IL1RAPL1: variants seen among roughly 807,000 people sequenced by gnomAD.
The protein encoded by IL1RAPL1 is interleukin 1 receptor accessory protein like 1.
A neutral mutation model predicts 48.4 loss-of-function variants in IL1RAPL1; 3 were observed. The observed-to-expected ratio is 0.06, with a 90% CI of 0.03 to 0.16. IL1RAPL1 has a LOEUF of 0.16. IL1RAPL1 is among the 10% of genes least tolerant of loss of function. IL1RAPL1 has a pLI of 1.00. For synonymous variants in IL1RAPL1, 185 were observed against 187.7 expected (o/e 0.99, Z 0.12); for missense variants, 349 against 530.6 (o/e 0.66, Z 3.36).
chrX:29,604,653 A>G (rs1923830199), intron 5 of IL1RAPL1, among the ~76,000 whole-genome samples: 1 of 111,435 alleles, frequency 9.0e-6, no homozygotes, highest in Admixed American at 9.6e-5. Context: ...TTAGTGGCAT[A>G]TTAGTAAGAG....
chrX:29,184,831 C>A (rs1282009961), intron 2 of IL1RAPL1, among the ~76,000 whole-genome samples: 1 of 112,171 alleles, frequency 8.9e-6, no homozygotes, highest in Admixed American at 9.5e-5. Context: ...AGACTGTGTT[C>A]CTATTCTTTT....
chrX:29,476,872 C>CTT lies in IL1RAPL1; in HGVS notation c.703+77582_703+77583dup, dbSNP rs1198120274. Among the ~76,000 whole-genome samples the CTT allele has an allele frequency of 5.6e-4, 30 of 53,896 alleles. 5 individuals are homozygous for CTT. Among genetic ancestry groups the CTT allele is most frequent in the African/African-American group, 1.6e-3 (12 of 7,326 alleles). The allele number at this position is 53,896 out of a possible 115,157, so 46.8% of individuals were successfully genotyped here. On this transcript the variant is annotated intron_variant, in intron 5 of 10. Transcript: ENST00000378993. ...GACTCATTTACTTTTTACCCATATT[C>CTT]TTTTTTTTTTTTTTTTTTTGAGACG...
At chrX:29,430,147 G>A (rs773344010) in intron 5 of IL1RAPL1, among the ~76,000 whole-genome samples, 3 of 108,824 alleles carry the variant, frequency 2.8e-5, no homozygotes, top group African/African-American at 6.7e-5. Flanking sequence ...CTCCCCCAAC[G>A]TGTAGTCATT....
chrX:28,783,040 C>T (rs755661769), intron 1 of IL1RAPL1, among the ~76,000 whole-genome samples: 12 of 111,378 alleles, frequency 1.1e-4, no homozygotes, highest in African/African-American at 3.9e-4. Context: ...AGCATATAGT[C>T]AGGACATCTT....
At chrX:28,944,800 C>T (rs1924253117) in intron 2 of IL1RAPL1, among the ~76,000 whole-genome samples, 1 of 108,753 alleles carries the variant, frequency 9.2e-6, no homozygotes, top group South Asian at 3.8e-4. Context: ...GAAAAAAGAT[C>T]ATTTTAAAAT....
intron 6 of IL1RAPL1, among the ~76,000 whole-genome samples, chrX:29,765,046 A>T (rs1032950632): frequency 8.9e-5 from 10 of 112,461 alleles, no homozygotes; most frequent in African/African-American, 3.2e-4. Flanking sequence ...AAGTGAAGGA[A>T]ATCATCCTTT....
At chrX:29,898,688 T>TAAGTA (rs1932436473) in intron 6 of IL1RAPL1, among the ~76,000 whole-genome samples, 1 of 112,416 alleles carries the variant, frequency 8.9e-6, no homozygotes, top group Non-Finnish European at 1.9e-5. Flanking sequence ...AATGATTCCG[T>TAAGTA]AAGTATTTTA....
chrX:29,179,939 A>G (rs373645921), intron 2 of IL1RAPL1, among the ~76,000 whole-genome samples: 101 of 111,206 alleles, frequency 9.1e-4, no homozygotes, highest in African/African-American at 3.1e-3. Context: ...TGCATTTCTA[A>G]GTTTTCCAGG....
At chrX:29,668,173 T>C (rs1019575489) in intron 5 of IL1RAPL1, among the ~76,000 whole-genome samples, 5 of 112,260 alleles carry the variant, frequency 4.5e-5, no homozygotes, top group African/African-American at 1.6e-4. Flanking sequence ...TCACAAGGAC[T>C]GACCAATCCT....
intron 5 of IL1RAPL1, among the ~76,000 whole-genome samples, chrX:29,476,106 C>T (rs1411381035): frequency 1.3e-4 from 15 of 111,199 alleles, no homozygotes; most frequent in Non-Finnish European, 3.8e-5. Flanking sequence ...AAGCAGACAT[C>T]GAGGTCATTA....
Position 29,862,863 on chromosome X carries a change from C to T in IL1RAPL1, c.779-54601C>T, listed in dbSNP as rs145845641. Among the ~76,000 whole-genome samples the T allele has an allele frequency of 2.9e-4, 31 of 107,414 alleles. 1 individual carries two copies. The East Asian group carries it at 6.7e-3, about 23-fold the overall frequency. 93.3% of individuals were successfully genotyped at this position (107,414 alleles called of 115,157 possible). The stretch of plus-strand genomic sequence containing the variant: ...CTCATTGTGTTCTGATAGACTCTCC[C>T]GAAAACTGATTCTAGAAGCTTAGTG... On this transcript the variant is annotated intron_variant, in intron 6 of 10. Coordinates refer to ENST00000378993, the MANE Select transcript of IL1RAPL1 (RefSeq NM_014271.4).
At chrX:29,802,702 G>A (rs1320585673) in intron 6 of IL1RAPL1, among the ~76,000 whole-genome samples, 1 of 95,039 alleles carries the variant, frequency 1.1e-5, no homozygotes, top group African/African-American at 3.7e-5. Context: ...TAAATTTTGT[G>A]TTTGGATGTA....
chrX:29,463,992 A>G lies in IL1RAPL1; in HGVS notation c.703+64684A>G, dbSNP rs190345155. Among the ~76,000 whole-genome samples the G allele has an allele frequency of 3.1e-4, 35 of 111,721 alleles. No individual in the cohort carries two copies. The East Asian group carries it at 7.0e-3, about 22-fold the overall frequency. On this transcript the variant is annotated intron_variant, in intron 5 of 10. Coordinates refer to ENST00000378993, the MANE Select transcript of IL1RAPL1 (RefSeq NM_014271.4). The stretch of plus-strand genomic sequence containing the variant: ...AGCCCAGTCCAGTCTTTATGTAACT[A>G]CAAACCTACCTGATATTTAACTCCA...
intron 6 of IL1RAPL1, among the ~76,000 whole-genome samples, chrX:29,706,595 T>G (rs1927203626): frequency 8.9e-6 from 1 of 111,886 alleles, no homozygotes; most frequent in Non-Finnish European, 1.9e-5. Context: ...TGATCTCCTT[T>G]GACTCCATAT....
intron 2 of IL1RAPL1, among the ~76,000 whole-genome samples, chrX:28,973,822 C>T (rs1316725431): frequency 8.9e-6 from 1 of 112,045 alleles, no homozygotes; most frequent in South Asian, 3.7e-4. Flanking sequence ...TTAGCCTCTG[C>T]TTCATTCATT....
chrX:29,185,623 A>G (rs1044090020), intron 2 of IL1RAPL1, among the ~76,000 whole-genome samples: 3 of 111,894 alleles, frequency 2.7e-5, no homozygotes, highest in Non-Finnish European at 3.8e-5. Flanking sequence ...GAGGCACTCT[A>G]TGAGTGCTGT....
At chrX:29,119,958 C>T (rs1306585432) in intron 2 of IL1RAPL1, among the ~76,000 whole-genome samples, 1 of 111,492 alleles carries the variant, frequency 9.0e-6, no homozygotes, top group Non-Finnish European at 1.9e-5. Flanking sequence ...TGAAATAATT[C>T]AACTTCAGCT....
At chrX:28,735,854 A>G (rs1423102458) in intron 1 of IL1RAPL1, among the ~76,000 whole-genome samples, 1 of 111,788 alleles carries the variant, frequency 8.9e-6, no homozygotes, top group Non-Finnish European at 1.9e-5. Context: ...AATACCTAAT[A>G]TACAACTGTC....
At chrX:28,741,360 A>G (rs920846777) in intron 1 of IL1RAPL1, among the ~76,000 whole-genome samples, 1 of 111,347 alleles carries the variant, frequency 9.0e-6, no homozygotes. Context: ...GTGTCTGTTC[A>G]TATCCTTTGC....
Sources: gnomAD v4.1 joint callset for allele counts (sites outside exome capture counted in the v4.1 genomes callset) on GRCh38, gnomAD v4.1.1 for gene constraint, MANE v1.5 for transcripts, NCBI Gene and HGNC (gene_info 2026-07-23, HGNC 2026-07-21) for gene names.